SYNPR: variants seen among roughly 807,000 people sequenced by gnomAD.
SYNPR encodes the protein synaptoporin.
SYNPR carries 23 observed loss-of-function variants against 32.9 expected under a neutral mutation model. The observed-to-expected ratio is 0.70, with a 90% CI of 0.50 to 0.99. The LOEUF (loss-of-function observed/expected upper bound fraction) is 0.99. SYNPR is among the 50% of genes least tolerant of loss of function. SYNPR has a pLI of 0.00. For missense variants in SYNPR, 318 were observed against 349.3 expected (o/e 0.91, Z 0.71); for synonymous variants, 146 against 135.9 (o/e 1.07, Z -0.52).
intron 2 of SYNPR, among the ~76,000 whole-genome samples, chr3:63,424,675 C>CT (rs1223195606): frequency 6.6e-6 from 1 of 152,152 alleles, no homozygotes; most frequent in African/African-American, 2.4e-5. Flanking sequence ...TGCAATCACT[C>CT]TGTTAGCACA....
intron 3 of SYNPR, among the ~76,000 whole-genome samples, chr3:63,549,205 C>T (rs955599489): frequency 5.9e-5 from 9 of 152,244 alleles, no homozygotes; most frequent in African/African-American, 2.2e-4. Flanking sequence ...CTGCTGGGTA[C>T]CTTGTACAAT....
intron 1 of SYNPR, among the ~76,000 whole-genome samples, chr3:63,239,496 T>G (rs1411307975): frequency 6.7e-6 from 1 of 150,106 alleles, no homozygotes; most frequent in South Asian, 2.1e-4. Context: ...CTGACAATGG[T>G]AGAATGGGTA....
intron 2 of SYNPR, among the ~76,000 whole-genome samples, chr3:63,346,845 A>G (rs765049996): frequency 2.6e-5 from 4 of 152,216 alleles, no homozygotes; most frequent in African/African-American, 9.6e-5. Flanking sequence ...AATTGAGGTT[A>G]TTTCAGAAAT....
intron 1 of SYNPR, among the ~76,000 whole-genome samples, chr3:63,251,377 G>A (rs1211667407): frequency 6.6e-6 from 1 of 152,088 alleles, no homozygotes; most frequent in Non-Finnish European, 1.5e-5. Flanking sequence ...AAGCATATAT[G>A]TGCCCCAGAA....
chr3:63,488,839 T>C (rs1701204144), intron 3 of SYNPR, among the ~76,000 whole-genome samples: 1 of 151,726 alleles, frequency 6.6e-6, no homozygotes, highest in Admixed American at 6.6e-5. Context: ...CAGAAAATGA[T>C]CCAAATATGT....
At chr3:63,330,960 T>G (rs1051132923) in intron 2 of SYNPR, among the ~76,000 whole-genome samples, 2 of 152,124 alleles carry the variant, frequency 1.3e-5, no homozygotes, top group African/African-American at 4.8e-5. Flanking sequence ...AAATTAACAG[T>G]AAGAGAGACC....
chr3:63,435,471 G>A (rs1365607445), intron 2 of SYNPR, among the ~76,000 whole-genome samples: 1 of 152,170 alleles, frequency 6.6e-6, no homozygotes, highest in Non-Finnish European at 1.5e-5. Context: ...TTTCATTTAA[G>A]ATCTAAAACA....
chr3:63,599,872 T>C (rs567102177), intron 4 of SYNPR, among the ~76,000 whole-genome samples: 11 of 152,334 alleles, frequency 7.2e-5, no homozygotes, highest in Non-Finnish European at 1.6e-4. Flanking sequence ...ATATAATTTC[T>C]AAGATAGCTA....
intron 2 of SYNPR, among the ~76,000 whole-genome samples, chr3:63,478,249 C>A (rs1309911922): frequency 2.6e-5 from 4 of 152,020 alleles, no homozygotes; most frequent in African/African-American, 7.2e-5. Flanking sequence ...ATTAATAATA[C>A]CTTACTGTAT....
chr3:63,457,821 G>A (rs1700511239), intron 2 of SYNPR, among the ~76,000 whole-genome samples: 1 of 152,114 alleles, frequency 6.6e-6, no homozygotes, highest in African/African-American at 2.4e-5. Flanking sequence ...CTTTGTCTGA[G>A]CTCATGCCTT....
intron 2 of SYNPR, among the ~76,000 whole-genome samples, chr3:63,323,277 T>C (rs1428364352): frequency 6.6e-6 from 1 of 152,090 alleles, no homozygotes; most frequent in Admixed American, 6.6e-5. Context: ...AAGGTAATGC[T>C]ATGGACTGAT....
intron 2 of SYNPR, among the ~76,000 whole-genome samples, chr3:63,403,183 A>G (rs917574476): frequency 5.3e-5 from 8 of 152,136 alleles, no homozygotes; most frequent in Non-Finnish European, 1.0e-4. Flanking sequence ...ATTCAACCAT[A>G]TAACATGCTC....
Position 63,460,056 on chromosome 3 carries a change from C to T in SYNPR, c.85-20776C>T, listed in dbSNP as rs561018855. 3.9e-5 allele frequency among the ~76,000 whole-genome samples: 6 copies of T among 152,202 alleles called. No individual in the cohort carries two copies. The East Asian group carries it at 1.2e-3, about 29-fold the overall frequency. On this transcript the variant is annotated intron_variant, in intron 2 of 5. Transcript: ENST00000478300. ...TCTCACTGTTTTCTACTCTTCTGCC[C>T]ACTCACACCTTCCTCCAAGCTATTC...
At chr3:63,358,520 C>A (rs749106952) in intron 2 of SYNPR, among the ~76,000 whole-genome samples, 2 of 152,068 alleles carry the variant, frequency 1.3e-5, no homozygotes, top group Non-Finnish European at 2.9e-5. Context: ...TTAATCACAT[C>A]GGCAAACTCA....
In SYNPR at chr3:63,371,932, C is replaced by T. The variant is rs940964561; in HGVS notation, c.84+93190C>T. 3.9e-5 allele frequency among the ~76,000 whole-genome samples: 6 copies of T among 152,108 alleles called. No individual in the cohort carries two copies. The South Asian group carries it at 1.2e-3, about 32-fold the overall frequency. On this transcript the variant is annotated intron_variant, in intron 2 of 5. Transcript: ENST00000478300. The stretch of plus-strand genomic sequence containing the variant: ...ACCTGGTTGCTATGCTGGCATTTCC[C>T]ACACACAACAGCCACCATGCAGAGA...
intron 2 of SYNPR, among the ~76,000 whole-genome samples, chr3:63,371,120 G>A (rs2107052010): frequency 6.6e-6 from 1 of 152,206 alleles, no homozygotes; most frequent in South Asian, 2.1e-4. Flanking sequence ...ATGGCATAGA[G>A]CCAGAGGAGG....
At chr3:63,443,873 A>C (rs1309155921) in intron 2 of SYNPR, among the ~76,000 whole-genome samples, 1 of 152,204 alleles carries the variant, frequency 6.6e-6, no homozygotes, top group Non-Finnish European at 1.5e-5. Context: ...TCAGTGTCAG[A>C]GTGAAAATTA....
At chr3:63,484,646 T>C (rs917652489) in intron 3 of SYNPR, among the ~76,000 whole-genome samples, 2 of 137,636 alleles carry the variant, frequency 1.5e-5, no homozygotes, top group Non-Finnish European at 3.2e-5. Flanking sequence ...CTAGATACCT[T>C]GACATATATT....
intron 2 of SYNPR, among the ~76,000 whole-genome samples, chr3:63,312,905 A>G (rs1030236390): frequency 2.0e-5 from 3 of 151,908 alleles, no homozygotes; most frequent in Non-Finnish European, 2.9e-5. Flanking sequence ...CCTTTTCCAA[A>G]TCTACATTTA....
Sources: allele counts gnomAD v4.1 joint callset (sites outside exome capture counted in the v4.1 genomes callset), GRCh38; gene constraint gnomAD v4.1.1; transcripts MANE v1.5; gene names NCBI Gene and HGNC (gene_info 2026-07-23, HGNC 2026-07-21).